The following DPP6 variants were observed in gnomAD, a reference collection of about 807,000 sequenced individuals.
The protein encoded by DPP6 is dipeptidyl peptidase like 6, also known as A-type potassium channel modulatory protein DPP6.
In DPP6, 69 loss-of-function variants were observed where a neutral mutation model predicts 122.6. The ratio of observed to expected loss-of-function variants is 0.56; its 90% CI spans 0.46 to 0.69. DPP6 has a LOEUF of 0.69. Ranked by LOEUF, DPP6 falls within the 30% of genes least tolerant of loss-of-function variation. The probability of loss-of-function intolerance (pLI) is 0.00; values close to 1 mark genes in which losing one functional copy is unlikely to be tolerated. For missense variants in DPP6, 928 were observed against 1,116.9 expected (o/e 0.83, Z 2.41); for synonymous variants, 418 against 433.1 (o/e 0.97, Z 0.43).
chr7:154,124,563 C>T (rs548915318), intron 1 of DPP6, among the ~76,000 whole-genome samples: 94 of 152,278 alleles, frequency 6.2e-4, no homozygotes, highest in Admixed American at 1.5e-3. Context: ...GTATTTTCAA[C>T]AGTGCAGATA....
At chr7:154,229,334 C>T (rs1303162666) in intron 1 of DPP6, among the ~76,000 whole-genome samples, 2 of 152,158 alleles carry the variant, frequency 1.3e-5, no homozygotes, top group African/African-American at 4.8e-5. Context: ...GATCTTGACC[C>T]TATTTGTTGA....
chr7:154,009,585 A>G (rs1798069801), intron 1 of DPP6, among the ~76,000 whole-genome samples: 1 of 152,056 alleles, frequency 6.6e-6, no homozygotes, highest in Non-Finnish European at 1.5e-5. Context: ...GAAACTCATG[A>G]TGTTCTCCAC....
At chr7:153,782,077 GTT>G in the DPP6 span, among the ~76,000 whole-genome samples, 1 of 150,326 alleles carries the variant, frequency 6.7e-6, no homozygotes, top group Non-Finnish European at 1.5e-5. Flanking sequence ...AGACACCATG[GTT>G]TTCTCTTCAA....
intron 16 of DPP6, among the ~76,000 whole-genome samples, chr7:154,840,218 C>G (rs1467202999): frequency 6.6e-6 from 1 of 152,210 alleles, no homozygotes; most frequent in Non-Finnish European, 1.5e-5. Context: ...TCCCACCTTA[C>G]AGATAGCTGA....
At chr7:154,503,279 G>A (rs1825401123) in intron 3 of DPP6, among the ~76,000 whole-genome samples, 1 of 152,166 alleles carries the variant, frequency 6.6e-6, no homozygotes, top group Non-Finnish European at 1.5e-5. Context: ...CACTTGCCAG[G>A]CCAGGTGATT....
At chr7:154,802,151 C>G (rs1019229282) in intron 13 of DPP6, among the ~76,000 whole-genome samples, 2 of 152,080 alleles carry the variant, frequency 1.3e-5, no homozygotes, top group African/African-American at 4.8e-5. Context: ...GATCTTGGAT[C>G]TCCTCAGTTT....
At chr7:154,623,134 T>C (rs1834804637) in intron 5 of DPP6, among the ~76,000 whole-genome samples, 1 of 152,192 alleles carries the variant, frequency 6.6e-6, no homozygotes, top group East Asian at 1.9e-4. Context: ...CTTGGTGAGA[T>C]AAACCCTTCA....
intron 16 of DPP6, among the ~76,000 whole-genome samples, chr7:154,823,996 CTT>C (rs1799971719): frequency 6.6e-6 from 1 of 152,196 alleles, no homozygotes; most frequent in Admixed American, 6.5e-5. Flanking sequence ...TATTTGCAAA[CTT>C]TGTTGAATTA....
chr7:154,059,322 C>G (rs1195114144), intron 1 of DPP6: 1 of 161,092 alleles, frequency 6.2e-6, no homozygotes, highest in African/African-American at 2.5e-5. Context: ...CCCTCTTCCC[C>G]CCCTGGCTTA....
intron 13 of DPP6, 102 bp from the exon 14 acceptor site, chr7:154,803,762 G>T (rs2150455675): frequency 6.8e-7 from 1 of 1,474,240 alleles, no homozygotes; most frequent in East Asian, 2.5e-5. Flanking sequence ...AGAGAGAATG[G>T]CAGCCCCTGT....
At chr7:154,459,280 C>T (rs1821064454) in intron 2 of DPP6, among the ~76,000 whole-genome samples, 1 of 152,160 alleles carries the variant, frequency 6.6e-6, no homozygotes, top group African/African-American at 2.4e-5. Context: ...TTTAGCATGC[C>T]TATTCTCGTA....
intron 1 of DPP6, among the ~76,000 whole-genome samples, chr7:153,926,725 G>A (rs1000675998): frequency 2.0e-5 from 3 of 151,328 alleles, no homozygotes; most frequent in Non-Finnish European, 4.4e-5. Context: ...ATCACTTGCC[G>A]ATTAGAATTT....
At chr7:154,440,347 T>TTGGG (rs1819263481) in intron 1 of DPP6, among the ~76,000 whole-genome samples, 1 of 151,954 alleles carries the variant, frequency 6.6e-6, no homozygotes, top group East Asian at 1.9e-4. Flanking sequence ...TCACCCCCAC[T>TTGGG]ACTAGCAAAA....
intron 1 of DPP6, among the ~76,000 whole-genome samples, chr7:154,201,785 C>A (rs1799187571): frequency 6.6e-6 from 1 of 152,176 alleles, no homozygotes; most frequent in Non-Finnish European, 1.5e-5. Flanking sequence ...ATCAGTGGGT[C>A]TGCATACCAT....
intron 1 of DPP6, among the ~76,000 whole-genome samples, chr7:154,020,176 TTTTA>T (rs1798630277): frequency 6.6e-6 from 1 of 152,038 alleles, no homozygotes; most frequent in Non-Finnish European, 1.5e-5. Flanking sequence ...TCGTTTTGGG[TTTTA>T]TTTGTTTACA....
intron 4 of DPP6, among the ~76,000 whole-genome samples, chr7:154,543,630 A>C (rs1266392698): frequency 6.6e-6 from 1 of 152,208 alleles, no homozygotes; most frequent in African/African-American, 2.4e-5. Flanking sequence ...TTACTAATTC[A>C]GTCATCCTTT....
At chr7:154,854,154 G>A (rs1276750192) in intron 17 of DPP6, among the ~76,000 whole-genome samples, 1 of 152,190 alleles carries the variant, frequency 6.6e-6, no homozygotes, top group Non-Finnish European at 1.5e-5. Context: ...CGTCCCCACT[G>A]AGAACCTGCC....
At position 154,486,025 on chromosome 7, in the gene DPP6, C is replaced by T. The variant is rs2151378955; in HGVS notation, c.457+10988C>T. On this transcript the variant is annotated intron_variant, in intron 3 of 25. Transcript: ENST00000377770. This position sits in a 1 kb window ranked among gnomAD's most constrained non-coding sequence, Gnocchi z 4.5. ...AAATAAGAAAACTATGAGTCAAAGA[C>T]ACTAAATCACTTTTTCAAAGTTACC... 6.7e-6 allele frequency among the ~76,000 whole-genome samples: 1 copy of T among 150,308 alleles called. No individual in the cohort carries two copies. The highest frequency in any genetic ancestry group is 2.1e-4 in the South Asian group (1 of 4,748).
At chr7:153,882,142 C>T (rs1030652428), upstream of DPP6, among the ~76,000 whole-genome samples, 1 of 152,138 alleles carries the variant, frequency 6.6e-6, no homozygotes, top group Admixed American at 6.6e-5. Flanking sequence ...TTTCTCCAAA[C>T]GATTATTATC....
Sources: gnomAD v4.1 joint callset for allele counts (sites outside exome capture counted in the v4.1 genomes callset) on GRCh38, gnomAD v4.1.1 for gene constraint, Gnocchi (gnomAD v3.1) non-coding constraint, MANE v1.5 for transcripts, NCBI Gene and HGNC (gene_info 2026-07-23, HGNC 2026-07-21) for gene names.